NRG2: variants seen among roughly 807,000 people sequenced by gnomAD.
NRG2 encodes the protein pro-neuregulin-2, membrane-bound isoform.
NRG2 carries 27 observed loss-of-function variants against 73.9 expected under a neutral mutation model. The ratio of observed to expected loss-of-function variants is 0.37; its 90% CI spans 0.27 to 0.50. NRG2 has a LOEUF of 0.50. Ranked by LOEUF, NRG2 falls within the 20% of genes least tolerant of loss-of-function variation. The pLI is 0.96. For synonymous variants in NRG2, 532 were observed against 541.0 expected (o/e 0.98, Z 0.23); for missense variants, 1,126 against 1,210.1 (o/e 0.93, Z 1.03).
At chr5:139,982,555 C>A (rs72796733) in intron 1 of NRG2, among the ~76,000 whole-genome samples, 1 of 152,116 alleles carries the variant, frequency 6.6e-6, no homozygotes, top group Non-Finnish European at 1.5e-5. Flanking sequence ...TTCTTCAAGT[C>A]GTAGTCAATT....
chr5:139,948,688 A>G (rs772559985), intron 1 of NRG2, among the ~76,000 whole-genome samples: 10 of 152,376 alleles, frequency 6.6e-5, no homozygotes, highest in Non-Finnish European at 1.5e-4. Context: ...CAGTATAATC[A>G]TAAGATAATA....
At chr5:139,943,189 C>G (rs1211271641) in intron 1 of NRG2, among the ~76,000 whole-genome samples, 1 of 152,098 alleles carries the variant, frequency 6.6e-6, no homozygotes, top group African/African-American at 2.4e-5. Flanking sequence ...CTCTGTCACC[C>G]AGGCTGGAGT....
chr5:139,988,568 G>C (rs1030103026), intron 1 of NRG2, among the ~76,000 whole-genome samples: 4 of 151,986 alleles, frequency 2.6e-5, no homozygotes, highest in African/African-American at 9.7e-5. Flanking sequence ...GATTCCAACT[G>C]TATCACATTC....
chr5:139,903,591 C>T (rs1227589998), intron 1 of NRG2, among the ~76,000 whole-genome samples: 1 of 152,216 alleles, frequency 6.6e-6, no homozygotes. Flanking sequence ...CTGCAACCGC[C>T]CAGGGAGGGC....
At chr5:139,908,399 T>A (rs1765378257) in intron 1 of NRG2, among the ~76,000 whole-genome samples, 1 of 152,122 alleles carries the variant, frequency 6.6e-6, no homozygotes, top group Non-Finnish European at 1.5e-5. Flanking sequence ...GCTCTGAACA[T>A]CTTGAGGGTC....
At chr5:139,866,350 T>C (rs1258646394) in intron 4 of NRG2, among the ~76,000 whole-genome samples, 1 of 152,204 alleles carries the variant, frequency 6.6e-6, no homozygotes, top group African/African-American at 2.4e-5. Context: ...TTATTTGTGT[T>C]TCAAATTTAC....
intron 4 of NRG2, among the ~76,000 whole-genome samples, chr5:139,866,248 G>A (rs73791214): frequency 0.013 from 2,048 of 152,320 alleles, 41 homozygotes; most frequent in African/African-American, 0.047. Context: ...TTCTCAGGGT[G>A]CCTTGTAGAG....
chr5:140,015,141 C>A (rs1338372153), intron 1 of NRG2, among the ~76,000 whole-genome samples: 1 of 146,338 alleles, frequency 6.8e-6, no homozygotes, highest in Non-Finnish European at 1.5e-5. Flanking sequence ...TCTGCACTCC[C>A]ATTACCTCCC....
At position 140,023,497 on chromosome 5, in the gene NRG2, C is replaced by T. The variant is rs542969574; in HGVS notation, c.700+18873G>A. ...TCCTATAGTCTATTTTACCTTTTTG[C>T]AATTATTATATTTTGCTTTATGTCA... On this transcript the variant is annotated intron_variant, in intron 1 of 9. Transcript: ENST00000361474. Among the ~76,000 whole-genome samples, 9 of 152,216 alleles carry T rather than the reference C, an allele frequency of 5.9e-5. No individual in the cohort carries two copies. The South Asian group carries it at 1.7e-3, about 28-fold the overall frequency.
At chr5:139,931,002 A>G (rs1374659638) in intron 1 of NRG2, among the ~76,000 whole-genome samples, 1 of 152,248 alleles carries the variant, frequency 6.6e-6, no homozygotes, top group Non-Finnish European at 1.5e-5. Flanking sequence ...TTTGAGTGAG[A>G]TAGATCTGAG....
intron 1 of NRG2, among the ~76,000 whole-genome samples, chr5:139,897,950 G>C (rs1350070798): frequency 6.6e-6 from 1 of 152,234 alleles, no homozygotes; most frequent in Non-Finnish European, 1.5e-5. Flanking sequence ...CCATGAGACT[G>C]ACCCTCTTCA....
At chr5:139,946,587 AG>A (rs1259202027) in intron 1 of NRG2, among the ~76,000 whole-genome samples, 1 of 152,108 alleles carries the variant, frequency 6.6e-6, no homozygotes, top group South Asian at 2.1e-4. Flanking sequence ...TGACACTTAA[AG>A]TATGAACAAG....
At chr5:139,871,085 TG>T (rs1762818103) in intron 4 of NRG2, 1 of 152,322 alleles carries the variant, frequency 6.6e-6, no homozygotes, top group African/African-American at 2.4e-5. Flanking sequence ...TCCCATGGAG[TG>T]GGGGCTAGGG....
intron 1 of NRG2, among the ~76,000 whole-genome samples, chr5:140,004,054 A>G (rs1367695118): frequency 6.6e-6 from 1 of 152,176 alleles, no homozygotes; most frequent in African/African-American, 2.4e-5. Context: ...TAACATGTTA[A>G]TATTAGGGAA....
At chr5:139,933,641 A>G (rs1299404402) in intron 1 of NRG2, among the ~76,000 whole-genome samples, 1 of 152,152 alleles carries the variant, frequency 6.6e-6, no homozygotes, top group Non-Finnish European at 1.5e-5. Flanking sequence ...CCCACAATCA[A>G]AGCTGGAAAT....
intron 3 of NRG2, among the ~76,000 whole-genome samples, chr5:139,874,248 A>C (rs570193736): frequency 6.6e-6 from 1 of 152,120 alleles, no homozygotes; most frequent in South Asian, 2.1e-4. Context: ...ATCTCTCACT[A>C]TGGTTGCCCG....
chr5:139,898,755 C>G (rs1429066222), intron 1 of NRG2, among the ~76,000 whole-genome samples: 2 of 152,228 alleles, frequency 1.3e-5, no homozygotes, highest in Non-Finnish European at 2.9e-5. Flanking sequence ...GCTCAGAACC[C>G]TTCATTCCCT....
In NRG2 at chr5:139,972,137, A is replaced by G. The variant is rs537160048; in HGVS notation, c.700+70233T>C. ...GTATATAAAATGTAATATTATAGAT[A>G]CATGTAGAATGTTAAGTGACATTTT... On this transcript the variant is annotated intron_variant, in intron 1 of 9. Transcript: ENST00000361474. 5.3e-5 allele frequency among the ~76,000 whole-genome samples: 8 copies of G among 152,356 alleles called. No individual in the cohort carries two copies. In the South Asian group the frequency reaches 1.7e-3, roughly 32 times the overall value.
chr5:139,919,335 G>A (rs1358550525), intron 1 of NRG2, among the ~76,000 whole-genome samples: 2 of 152,004 alleles, frequency 1.3e-5, no homozygotes, highest in Non-Finnish European at 2.9e-5. Context: ...TGATCTTCAA[G>A]GTTTCCTGAA....
Sources: allele counts gnomAD v4.1 joint callset (sites outside exome capture counted in the v4.1 genomes callset), GRCh38; gene constraint gnomAD v4.1.1; transcripts MANE v1.5; gene names NCBI Gene and HGNC (gene_info 2026-07-23, HGNC 2026-07-21).